RORB: variants seen among roughly 807,000 people sequenced by gnomAD.
The protein encoded by RORB is nuclear receptor ROR-beta.
Under a neutral mutation model 59.1 loss-of-function variants are expected in RORB, and 6 were observed. The ratio of observed to expected loss-of-function variants is 0.10; its 90% CI spans 0.06 to 0.20. The LOEUF is 0.20. Among genes scored for constraint, RORB ranks in the 10% least tolerant of loss-of-function variants. The pLI, the probability that RORB is intolerant of heterozygous loss-of-function variation, is 1.00. For missense variants in RORB, 320 were observed against 560.5 expected (o/e 0.57, Z 4.33); for synonymous variants, 215 against 204.5 (o/e 1.05, Z -0.44).
chr9:74,613,229 G>T (rs111873240), intron 1 of RORB, among the ~76,000 whole-genome samples: 23 of 152,238 alleles, frequency 1.5e-4, no homozygotes, highest in African/African-American at 5.3e-4. Flanking sequence ...CTCCTTTTAT[G>T]ACTTAATGAG....
intron 9 of RORB, among the ~76,000 whole-genome samples, chr9:74,678,877 C>T (rs1216403602): frequency 6.6e-6 from 1 of 151,632 alleles, no homozygotes; most frequent in African/African-American, 2.4e-5. Context: ...ATCAAAAATA[C>T]AAAAATTGTC....
chr9:74,677,882 C>G (rs1169138298), intron 9 of RORB, among the ~76,000 whole-genome samples: 2 of 152,114 alleles, frequency 1.3e-5, no homozygotes, highest in Non-Finnish European at 2.9e-5. Context: ...TCATTTTTAT[C>G]ATTTTTGTTC....
At chr9:74,567,295 G>A (rs1008290825) in intron 1 of RORB, among the ~76,000 whole-genome samples, 2 of 152,128 alleles carry the variant, frequency 1.3e-5, no homozygotes, top group Non-Finnish European at 2.9e-5. Context: ...CCAAAGTGCT[G>A]GAATTATGGG....
At chr9:74,580,912 CTCTT>C (rs893644814) in intron 1 of RORB, among the ~76,000 whole-genome samples, 2 of 152,140 alleles carry the variant, frequency 1.3e-5, no homozygotes. Context: ...GAAGTCATAG[CTCTT>C]TCAGAATCAA....
chr9:74,543,357 C>T (rs1826439366), intron 1 of RORB, among the ~76,000 whole-genome samples: 2 of 152,236 alleles, frequency 1.3e-5, no homozygotes. Context: ...GCTGCATCAT[C>T]ACATGCCACT....
At chr9:74,657,880 C>T (rs1337844341) in intron 4 of RORB, among the ~76,000 whole-genome samples, 1 of 151,642 alleles carries the variant, frequency 6.6e-6, no homozygotes, top group East Asian at 1.9e-4. Flanking sequence ...TGGTGGGCAC[C>T]TGTAATCACA....
intron 1 of RORB, among the ~76,000 whole-genome samples, chr9:74,596,061 G>A (rs1156816020): frequency 2.0e-5 from 3 of 152,174 alleles, no homozygotes; most frequent in African/African-American, 7.2e-5. Flanking sequence ...AAAAATGCAA[G>A]TCACTTTTCT....
At chr9:74,544,346 G>A (rs566817592) in intron 1 of RORB, among the ~76,000 whole-genome samples, 6 of 152,270 alleles carry the variant, frequency 3.9e-5, no homozygotes, top group African/African-American at 1.4e-4. Context: ...GGTTTCCAGA[G>A]ACCACAGGAT....
At chr9:74,678,319 G>T (rs1824482622) in intron 9 of RORB, among the ~76,000 whole-genome samples, 1 of 152,124 alleles carries the variant, frequency 6.6e-6, no homozygotes, top group Admixed American at 6.6e-5. Context: ...TCAGACCTCT[G>T]CAACTTCCCA....
chr9:74,629,846 A>G (rs907287744), intron 1 of RORB, among the ~76,000 whole-genome samples: 4 of 152,170 alleles, frequency 2.6e-5, no homozygotes, highest in Admixed American at 2.0e-4. Context: ...TCCCTCCCAG[A>G]GTTTTGCTTT....
chr9:74,661,906 A>G (rs556165824), intron 5 of RORB, among the ~76,000 whole-genome samples: 1 of 151,802 alleles, frequency 6.6e-6, no homozygotes, highest in Admixed American at 6.6e-5. Flanking sequence ...CAGCCTCCCA[A>G]AGTGCTGGGA....
At chr9:74,660,816 G>A in intron 5 of RORB, 78 bp downstream of exon 5, 2 of 1,435,410 alleles carry the variant, frequency 1.4e-6, no homozygotes, top group South Asian at 1.4e-5. Flanking sequence ...CTATTGGCAT[G>A]TTGCACTGGG....
intron 8 of RORB, among the ~76,000 whole-genome samples, chr9:74,670,274 G>A (rs1824326704): frequency 6.6e-6 from 1 of 152,210 alleles, no homozygotes; most frequent in Admixed American, 6.5e-5. Context: ...GGATGAGGGA[G>A]ATGGTTTTCC....
intron 1 of RORB, among the ~76,000 whole-genome samples, chr9:74,511,615 GA>G (rs143033795): frequency 0.079 from 11,040 of 140,552 alleles, 552 homozygotes; most frequent in Non-Finnish European, 0.11. Flanking sequence ...CAAAAGAAAA[GA>G]AAAAAAAAAG....
intron 1 of RORB, among the ~76,000 whole-genome samples, chr9:74,573,630 A>G (rs1822586806): frequency 6.6e-6 from 1 of 152,084 alleles, no homozygotes. Flanking sequence ...AGGACAAAGC[A>G]CTTGGCCAGA....
chr9:74,578,807 A>G (rs1203048712), intron 1 of RORB, among the ~76,000 whole-genome samples: 1 of 152,082 alleles, frequency 6.6e-6, no homozygotes, highest in African/African-American at 2.4e-5. Context: ...CTGGGGTTCT[A>G]TCTTTCCTCC....
chr9:74,541,677 T>G (rs938909348), intron 1 of RORB, among the ~76,000 whole-genome samples: 1 of 152,186 alleles, frequency 6.6e-6, no homozygotes, highest in Non-Finnish European at 1.5e-5. Context: ...ATACAAATAT[T>G]TGGGTAGAAA....
chr9:74,578,575 A>G (rs1822672232), intron 1 of RORB, among the ~76,000 whole-genome samples: 1 of 152,132 alleles, frequency 6.6e-6, no homozygotes, highest in Admixed American at 6.6e-5. Context: ...ATTTAAAAAG[A>G]CGACCAAGTG....
chr9:74,528,985 C>T (rs1826194730), intron 1 of RORB, among the ~76,000 whole-genome samples: 1 of 151,926 alleles, frequency 6.6e-6, no homozygotes, highest in African/African-American at 2.4e-5. Flanking sequence ...CTTGAAACTT[C>T]TTTCAAAAAA....
Sources: allele counts gnomAD v4.1 joint callset (sites outside exome capture counted in the v4.1 genomes callset), GRCh38; gene constraint gnomAD v4.1.1; transcripts MANE v1.5; gene names NCBI Gene and HGNC (gene_info 2026-07-23, HGNC 2026-07-21).